The following MTMR9 variants were observed in gnomAD, a reference collection of about 807,000 sequenced individuals.
MTMR9 encodes myotubularin-related protein 9.
Under a neutral mutation model 69.5 loss-of-function variants are expected in MTMR9, and 39 were observed. The observed-to-expected ratio is 0.56, with a 90% CI of 0.43 to 0.73. MTMR9 has a LOEUF of 0.73. Ranked by LOEUF, MTMR9 falls within the 30% of genes least tolerant of loss-of-function variation. The pLI, the probability that MTMR9 is intolerant of heterozygous loss-of-function variation, is 0.00. For synonymous variants in MTMR9, 354 were observed against 240.8 expected, an observed-to-expected ratio of 1.47 and a Z score of -4.35; for missense variants, 900 against 671.2, an observed-to-expected ratio of 1.34 and a Z score of -3.77.
chr8:11,335,054 C>T, the MTMR9 span, among the ~76,000 whole-genome samples: 1 of 152,172 alleles, frequency 6.6e-6, no homozygotes, highest in Non-Finnish European at 1.5e-5. Flanking sequence ...CTCCTTTCAA[C>T]ATTGTATGGG....
the MTMR9 span, among the ~76,000 whole-genome samples, chr8:11,335,082 A>G: frequency 2.0e-5 from 3 of 152,356 alleles, no homozygotes; most frequent in Non-Finnish European, 4.4e-5. Context: ...AACTAATGCA[A>G]TGAGACAGAA....
chr8:11,318,310 G>A (rs1278338389), intron 8 of MTMR9: 1 of 152,340 alleles, frequency 6.6e-6, no homozygotes, highest in Non-Finnish European at 1.5e-5. Flanking sequence ...CACAGGGCTG[G>A]AGGCAGTGGA....
intron 3 of MTMR9, among the ~76,000 whole-genome samples, chr8:11,303,923 A>AT (rs1001239100): frequency 6.6e-6 from 1 of 152,196 alleles, no homozygotes; most frequent in Non-Finnish European, 1.5e-5. Context: ...TTATAAAAGC[A>AT]TTTTTTAAAA....
At chr8:11,300,448 T>G (rs1265507578) in intron 3 of MTMR9, 1 of 213,190 alleles carries the variant, frequency 4.7e-6, no homozygotes, top group Non-Finnish European at 9.4e-6. Context: ...AAGTGAGTGA[T>G]AATGGTTATG....
intron 3 of MTMR9, among the ~76,000 whole-genome samples, chr8:11,303,004 G>C (rs1799804135): frequency 6.6e-6 from 1 of 151,754 alleles, no homozygotes; most frequent in Admixed American, 6.6e-5. Flanking sequence ...CTCATGGATA[G>C]AGAGACTGAA....
intron 2 of MTMR9, among the ~76,000 whole-genome samples, 166 bp from the exon 3 acceptor site, chr8:11,299,857 G>A (rs551278561): frequency 2.9e-4 from 44 of 152,250 alleles, no homozygotes; most frequent in Middle Eastern, 3.4e-3. Flanking sequence ...AAAGAAATCA[G>A]CTTCAGTAAG....
rs544916206 is a variant in MTMR9 at position 11,324,934 on chromosome 8, G to A, written c.*2146G>A. ...AGGGCTTCCATGGGTGGAAACTTGT[G>A]AGGGAGTTTGTATTAGGTCTGGTCA... On this transcript the variant is annotated 3_prime_UTR_variant, in exon 10 of 10. Transcript: ENST00000221086. The A allele has an allele frequency of 6.6e-6, 1 of 152,378 alleles. No individual in the cohort carries two copies. Among genetic ancestry groups the A allele is most frequent in the Admixed American group, 6.5e-5 (1 of 15,302 alleles). The allele number at this position is 152,378 out of a possible 1,614,324, so 9.4% of individuals were successfully genotyped here. A position where few individuals can be genotyped will look rare whatever the true frequency, so the allele number is the denominator to read the frequency against.
At chr8:11,308,599 C>T (rs1229147956) in intron 5 of MTMR9, among the ~76,000 whole-genome samples, 2 of 152,064 alleles carry the variant, frequency 1.3e-5, no homozygotes, top group African/African-American at 4.8e-5. Flanking sequence ...GGAATTTATC[C>T]ATTTCTTCTA....
At chr8:11,300,369 C>T (rs1028154355) in intron 3 of MTMR9, 1 of 350,930 alleles carries the variant, frequency 2.8e-6, no homozygotes, top group Non-Finnish European at 5.2e-6. Context: ...GGAATACCCC[C>T]AAGTATTTCT....
the MTMR9 span, among the ~76,000 whole-genome samples, chr8:11,338,492 T>C: frequency 2.6e-5 from 4 of 152,136 alleles, no homozygotes; most frequent in Admixed American, 2.6e-4. Flanking sequence ...AGAGGACAGA[T>C]GGCAACAATT....
At chr8:11,298,091 G>A in intron 2 of MTMR9, 1 of 354,208 alleles carries the variant, frequency 2.8e-6, no homozygotes, top group Non-Finnish European at 5.6e-6. Flanking sequence ...TATCTAAATT[G>A]TAGCAATAAG....
At chr8:11,338,004 T>C in the MTMR9 span, among the ~76,000 whole-genome samples, 3 of 152,262 alleles carry the variant, frequency 2.0e-5, no homozygotes, top group Non-Finnish European at 4.4e-5. Flanking sequence ...GCTTCAGGAC[T>C]TGGCTAATAT....
Position 11,314,985 on chromosome 8 carries a change from C to G in MTMR9, c.1034C>G (p.Ser345Cys), listed in dbSNP as rs748758553. The G allele has an allele frequency of 6.2e-7, 1 of 1,614,040 alleles. No individual in the cohort carries two copies. ...ACTGATTCCACACTCCAGGTGACCT[C>G]CTTGGCCCAGATCATCTTAGAGCCA... is the stretch of plus-strand genomic sequence containing the variant. The part of the protein sequence containing the change: ...EGTDSTLQVT[S>C]LAQIILEPRS... Residue 345 changes from serine to cysteine, a missense_variant, in exon 7 of 10, where the codon TCC becomes TGC. By Grantham distance (112) the Ser-to-Cys change is moderately radical. Coordinates refer to ENST00000221086, the MANE Select transcript of MTMR9 (RefSeq NM_015458.4).
At position 11,316,832 on chromosome 8, in the gene MTMR9, C is replaced by T. The variant is rs758510342; in HGVS notation, c.1273C>T (p.Leu425Phe). ...GTTTAATGAGAATTTCCTCATCATGCTCTTTGAGCATGCTTATGCCTCACA... is the reference window on the plus strand; with the variant it reads ...GTTTAATGAGAATTTCCTCATCATGTTCTTTGAGCATGCTTATGCCTCACA... ...FEFNENFLIM[L>F]FEHAYASQFG... The change falls in exon 8 of 10, where the codon CTC (leucine) becomes TTC (phenylalanine). Residue 425 changes from leucine (L) to phenylalanine (F), a missense_variant. Physicochemically the swap from Leu to Phe is conservative, Grantham distance 22 (BLOSUM62 0). Coordinates refer to ENST00000221086, the MANE Select transcript of MTMR9 (RefSeq NM_015458.4). 6.2e-7 allele frequency: 1 copy of T among 1,613,764 alleles called. No homozygotes were observed. The highest frequency in any genetic ancestry group is 2.2e-5 in the East Asian group (1 of 44,854).
rs560879644 is a variant in MTMR9 at position 11,321,096 on chromosome 8, C to T, written c.1486+1258C>T. On this transcript the variant is annotated intron_variant, in intron 9 of 9. Coordinates refer to ENST00000221086, the MANE Select transcript of MTMR9 (RefSeq NM_015458.4). ...CTTCTCTGGATGTCAGCTGTCACATCTAGTTCCTCTTGGCTTATCTGCCAT... is the reference window on the plus strand; with the variant it reads ...CTTCTCTGGATGTCAGCTGTCACATTTAGTTCCTCTTGGCTTATCTGCCAT... 7 of 174,560 alleles carry T rather than the reference C, an allele frequency of 4.0e-5. No homozygotes were observed. In the South Asian group the frequency reaches 4.1e-4, roughly 10 times the overall value. The allele number at this position is 174,560 out of a possible 1,614,324, so 10.8% of individuals were successfully genotyped here. A position where few individuals can be genotyped will look rare whatever the true frequency, so the allele number is the denominator to read the frequency against.
At position 11,327,900 on chromosome 8, in the gene MTMR9, A is replaced by G. The variant is rs548715072; in HGVS notation, c.*5112A>G. ...GTGTAACATTTTAATATTGTTTGTA[A>G]TATTCACTAGGTGATAATTTCCCCT... is the stretch of plus-strand genomic sequence containing the variant. On this transcript the variant is annotated 3_prime_UTR_variant, in exon 10 of 10. Transcript: ENST00000221086. The G allele has an allele frequency of 1.0e-4, 16 of 152,574 alleles. No homozygotes were observed. Among genetic ancestry groups the G allele is most frequent in the African/African-American group, 3.8e-4 (16 of 41,578 alleles). 9.5% of individuals were successfully genotyped at this position (152,574 alleles called of 1,614,324 possible).
chr8:11,322,805 C>G lies in MTMR9; in HGVS notation c.*17C>G, dbSNP rs1800756814. On this transcript the variant is annotated 3_prime_UTR_variant, in exon 10 of 10. Transcript: ENST00000221086. ...AGTCCCTGAAAGGTCTCCTCGCACC[C>G]TTCGCAAGGACCTTCTTGGGCCTGT... is the stretch of plus-strand genomic sequence containing the variant. 6.2e-7 allele frequency: 1 copy of G among 1,604,424 alleles called. No homozygotes were observed. The highest frequency in any genetic ancestry group is 2.2e-5 in the East Asian group (1 of 44,724).
At chr8:11,330,896 C>T (rs1034451575), downstream of MTMR9, 16 of 1,095,352 alleles carry the variant, frequency 1.5e-5, no homozygotes, top group South Asian at 1.9e-5. Context: ...CTGCGAGAAA[C>T]ACCCAAGAAT....
At chr8:11,297,616 A>T (rs1162815711) in intron 2 of MTMR9, among the ~76,000 whole-genome samples, 1 of 151,730 alleles carries the variant, frequency 6.6e-6, no homozygotes, top group Admixed American at 6.6e-5. Flanking sequence ...GATCTGTAAG[A>T]TGACTGGCTG....
Sources: gnomAD v4.1 joint callset for allele counts (sites outside exome capture counted in the v4.1 genomes callset) on GRCh38, gnomAD v4.1.1 for gene constraint, MANE v1.5 for transcripts, NCBI Gene and HGNC (gene_info 2026-07-23, HGNC 2026-07-21) for gene names.